The following MDGA2 variants were observed in gnomAD, a reference collection of about 807,000 sequenced individuals.
The protein encoded by MDGA2 is MAM domain-containing glycosylphosphatidylinositol anchor protein 2.
In MDGA2, 40 loss-of-function variants were observed where a neutral mutation model predicts 117.8. That is an observed-to-expected ratio of 0.34 (90% CI 0.26 to 0.44). The LOEUF (loss-of-function observed/expected upper bound fraction) is 0.44. Among genes scored for constraint, MDGA2 ranks in the 20% least tolerant of loss-of-function variants. The pLI, the probability that MDGA2 is intolerant of heterozygous loss-of-function variation, is 1.00. For missense variants in MDGA2, 1,123 were observed against 1,250.6 expected (o/e 0.90, Z 1.54); for synonymous variants, 452 against 439.0 (o/e 1.03, Z -0.37).
At chr14:47,007,069 T>C (rs1887738223) in intron 8 of MDGA2, among the ~76,000 whole-genome samples, 1 of 151,880 alleles carries the variant, frequency 6.6e-6, no homozygotes, top group East Asian at 1.9e-4. Flanking sequence ...AGGTAACTGA[T>C]AAACTGTGGT....
intron 5 of MDGA2, among the ~76,000 whole-genome samples, chr14:47,107,002 T>C (rs11157544): frequency 0.21 from 19,538 of 94,824 alleles, 4,134 homozygotes; most frequent in African/African-American, 0.27. Context: ...ACTACAGCTA[T>C]ATCTCATTGC....
chr14:46,950,482 C>A (rs1474649711), intron 9 of MDGA2, among the ~76,000 whole-genome samples: 1 of 151,922 alleles, frequency 6.6e-6, no homozygotes, highest in African/African-American at 2.4e-5. Context: ...GAAGTGATAT[C>A]ATTTTCTGCT....
chr14:46,894,194 C>G (rs375734140), intron 10 of MDGA2, among the ~76,000 whole-genome samples: 2 of 151,858 alleles, frequency 1.3e-5, no homozygotes, highest in African/African-American at 4.8e-5. Flanking sequence ...ATCTTCATTT[C>G]CTCAGTTGAA....
chr14:47,576,333 A>C (rs1896114775), intron 1 of MDGA2, among the ~76,000 whole-genome samples: 1 of 152,194 alleles, frequency 6.6e-6, no homozygotes, highest in African/African-American at 2.4e-5. Context: ...TCCATAATGG[A>C]GTTTTAATGT....
chr14:47,069,491 C>T (rs1038465984), intron 6 of MDGA2, among the ~76,000 whole-genome samples: 1 of 152,172 alleles, frequency 6.6e-6, no homozygotes, highest in Non-Finnish European at 1.5e-5. Context: ...ATCACTTGAA[C>T]AGTTCTAACA....
intron 1 of MDGA2, among the ~76,000 whole-genome samples, chr14:47,519,581 G>T (rs532352854): frequency 6.6e-5 from 10 of 152,078 alleles, no homozygotes; most frequent in African/African-American, 2.4e-4. Context: ...GTATAAAAAC[G>T]GCAAAGGTTA....
At chr14:47,594,158 A>T (rs1896494012) in intron 1 of MDGA2, among the ~76,000 whole-genome samples, 1 of 152,198 alleles carries the variant, frequency 6.6e-6, no homozygotes, top group Admixed American at 6.5e-5. Flanking sequence ...TACAAAGTAT[A>T]ATTAATTCCT....
chr14:47,628,254 G>A (rs893865037), intron 1 of MDGA2, among the ~76,000 whole-genome samples: 4 of 152,028 alleles, frequency 2.6e-5, no homozygotes, highest in African/African-American at 9.7e-5. Context: ...GGCATATTTT[G>A]CTTTTCTTTC....
intron 2 of MDGA2, among the ~76,000 whole-genome samples, chr14:47,289,304 T>C (rs376064744): frequency 7.1e-6 from 1 of 140,510 alleles, no homozygotes; most frequent in Non-Finnish European, 1.5e-5. Context: ...TTTCTGGACT[T>C]ACACACACAC....
At chr14:46,930,402 T>C (rs1269742243) in intron 9 of MDGA2, among the ~76,000 whole-genome samples, 1 of 152,060 alleles carries the variant, frequency 6.6e-6, no homozygotes, top group Non-Finnish European at 1.5e-5. Flanking sequence ...CATTATTCTT[T>C]CATATACCAA....
At chr14:47,001,549 AC>A (rs1887530074) in intron 8 of MDGA2, among the ~76,000 whole-genome samples, 1 of 152,102 alleles carries the variant, frequency 6.6e-6, no homozygotes, top group South Asian at 2.1e-4. Flanking sequence ...AAAGAAAGAG[AC>A]TTTTCAAATA....
intron 1 of MDGA2, among the ~76,000 whole-genome samples, chr14:47,302,165 A>G (rs986150620): frequency 5.9e-5 from 9 of 152,190 alleles, no homozygotes; most frequent in Non-Finnish European, 1.2e-4. Context: ...ATTCTGATTC[A>G]AAAGAAACTT....
chr14:47,575,810 GCTTCTAATT>G lies in MDGA2; in HGVS notation c.280+98698_280+98706del, dbSNP rs1369067032. On this transcript the variant is annotated intron_variant, in intron 1 of 16. Coordinates refer to ENST00000399232, the MANE Select transcript of MDGA2 (RefSeq NM_001113498.3). ...TTACTAAAAGACAATTTAATATTGTGCTTCTAATTTTGAAGGTCACATAAAATATACATA... is the reference window on the plus strand; with the variant it reads ...TTACTAAAAGACAATTTAATATTGTGTTGAAGGTCACATAAAATATACATA... Among the ~76,000 whole-genome samples the G allele has an allele frequency of 2.0e-5, 3 of 152,146 alleles. No individual in the cohort carries two copies. In the South Asian group the frequency reaches 6.2e-4, roughly 32 times the overall value.
chr14:47,089,771 G>T (rs948922946), intron 6 of MDGA2, among the ~76,000 whole-genome samples: 1 of 151,874 alleles, frequency 6.6e-6, no homozygotes, highest in Non-Finnish European at 1.5e-5. Flanking sequence ...TTAATCTCCT[G>T]ATCTTGTGAT....
chr14:46,921,235 C>T (rs932263663), intron 9 of MDGA2, among the ~76,000 whole-genome samples: 17 of 152,006 alleles, frequency 1.1e-4, no homozygotes, highest in Non-Finnish European at 1.6e-4. Context: ...CATGTAGCTT[C>T]GCAATTCTTA....
At position 46,957,736 on chromosome 14, in the gene MDGA2, T is replaced by C. The variant is rs991135867; in HGVS notation, c.1820-93A>G. On this transcript the variant is annotated intron_variant, in intron 8 of 16. Coordinates refer to ENST00000399232, the MANE Select transcript of MDGA2 (RefSeq NM_001113498.3). ...AGAAGAAGCCATTTGCAGTAACACA[T>C]GCAGCAATAGAGGAGGAGTGTAGGA... The C allele has an allele frequency of 5.8e-6, 8 of 1,368,136 alleles. No individual in the cohort carries two copies. In the African/African-American group the frequency reaches 7.3e-5, roughly 12 times the overall value. The allele number at this position is 1,368,136 out of a possible 1,614,324, so 84.7% of individuals were successfully genotyped here. A position where few individuals can be genotyped will look rare whatever the true frequency, so the allele number is the denominator to read the frequency against.
At chr14:47,216,077 C>T (rs549537975) in intron 3 of MDGA2, among the ~76,000 whole-genome samples, 3 of 152,140 alleles carry the variant, frequency 2.0e-5, no homozygotes, top group Non-Finnish European at 1.5e-5. Flanking sequence ...GAATGAGATA[C>T]TCAGGCACAA....
At chr14:47,668,292 T>C (rs1373698475) in intron 1 of MDGA2, among the ~76,000 whole-genome samples, 3 of 152,198 alleles carry the variant, frequency 2.0e-5, no homozygotes, top group Non-Finnish European at 4.4e-5. Context: ...ATTGCACCGG[T>C]ATAAAACGGA....
intron 1 of MDGA2, among the ~76,000 whole-genome samples, chr14:47,598,145 G>A (rs898499502): frequency 1.3e-5 from 2 of 152,118 alleles, no homozygotes; most frequent in East Asian, 3.8e-4. Context: ...TATTATGAAG[G>A]TTATCATTTT....
Sources: gnomAD v4.1 joint callset for allele counts (sites outside exome capture counted in the v4.1 genomes callset) on GRCh38, gnomAD v4.1.1 for gene constraint, MANE v1.5 for transcripts, NCBI Gene and HGNC (gene_info 2026-07-23, HGNC 2026-07-21) for gene names.